The following MBOAT2 variants were observed in gnomAD, a reference collection of about 807,000 sequenced individuals.
MBOAT2 encodes the protein membrane bound glycerophospholipid O-acyltransferase 2.
Under a neutral mutation model 63.4 loss-of-function variants are expected in MBOAT2, and 28 were observed. That is an observed-to-expected ratio of 0.44 (90% CI 0.33 to 0.61). MBOAT2 has a LOEUF of 0.61. Among genes scored for constraint, MBOAT2 ranks in the 20% least tolerant of loss-of-function variants. The pLI is 0.03. For missense variants in MBOAT2, 470 were observed against 605.8 expected (o/e 0.78, Z 2.35); for synonymous variants, 211 against 215.6 (o/e 0.98, Z 0.19).
At chr2:8,989,951 C>G (rs963194934) in intron 1 of MBOAT2, among the ~76,000 whole-genome samples, 1 of 152,232 alleles carries the variant, frequency 6.6e-6, no homozygotes, top group Admixed American at 6.5e-5. Flanking sequence ...CTTGTGCACA[C>G]AGATAAACTC....
chr2:8,856,842 A>G lies in MBOAT2; in HGVS notation c.*1837T>C, dbSNP rs1239916935. 1 of 152,238 alleles carries G rather than the reference A, an allele frequency of 6.6e-6. No individual in the cohort carries two copies. The highest frequency in any genetic ancestry group is 1.5e-5 in the Non-Finnish European group (1 of 68,042). The allele number at this position is 152,238 out of a possible 1,614,324, so 9.4% of individuals were successfully genotyped here. A position where few individuals can be genotyped will look rare whatever the true frequency, so the allele number is the denominator to read the frequency against. ...AGTGCTAGGATTACAGGTGTGAGCC[A>G]CCATGCTCAGCCAACATAATTTCAA... On this transcript the variant is annotated 3_prime_UTR_variant, in exon 13 of 13. Coordinates refer to ENST00000305997, the MANE Select transcript of MBOAT2 (RefSeq NM_138799.4). The surrounding 1 kb of genome is among the most constrained non-coding windows in gnomAD (Gnocchi z 4.2).
intron 1 of MBOAT2, among the ~76,000 whole-genome samples, chr2:8,962,646 T>A (rs1391486538): frequency 2.6e-5 from 4 of 152,128 alleles, no homozygotes; most frequent in Non-Finnish European, 5.9e-5. Context: ...AGTTTATTAC[T>A]GCAGCATAAC....
chr2:8,854,299 C>T lies in MBOAT2; in HGVS notation c.*4380G>A, dbSNP rs952901875. On this transcript the variant is annotated 3_prime_UTR_variant, in exon 13 of 13. Transcript: ENST00000305997. ...CCACTTTTACAAGGGCTGGAGAAAA[C>T]AGAAATTTCAGCATCTAAGATGAGT... is the stretch of plus-strand genomic sequence containing the variant. The T allele has an allele frequency of 6.6e-6, 1 of 152,186 alleles. No individual in the cohort carries two copies. The highest frequency in any genetic ancestry group is 2.4e-5 in the African/African-American group (1 of 41,462). The allele number at this position is 152,186 out of a possible 1,614,324, so 9.4% of individuals were successfully genotyped here. A position where few individuals can be genotyped will look rare whatever the true frequency, so the allele number is the denominator to read the frequency against.
At chr2:8,995,837 C>T (rs754698660) in intron 1 of MBOAT2, among the ~76,000 whole-genome samples, 92 of 152,102 alleles carry the variant, frequency 6.0e-4, no homozygotes, top group Non-Finnish European at 3.8e-4. Flanking sequence ...GTGATCCGCC[C>T]GCCTCGGCCT....
rs2103196432 is a variant in MBOAT2, at chr2:8,929,119, C to G, written c.299+14068G>C. On this transcript the variant is annotated intron_variant, in intron 3 of 12. Transcript: ENST00000305997. Reference sequence around the variant, plus strand: ...AATAGATCTCTAAATTGGCTGGTACCTTTTTTGTATGCCAGGTGGGGATAA... The same window carrying G: ...AATAGATCTCTAAATTGGCTGGTACGTTTTTTGTATGCCAGGTGGGGATAA... Among the ~76,000 whole-genome samples the G allele has an allele frequency of 2.6e-5, 4 of 152,224 alleles. 1 individual carries two copies. The Middle Eastern group carries it at 0.014, about 518-fold the overall frequency.
chr2:8,858,403 CAG>C lies in MBOAT2; in HGVS notation c.*274_*275del. 3.2e-6 allele frequency: 1 copy of C among 312,522 alleles called. No homozygotes were observed. 19.4% of individuals were successfully genotyped at this position (312,522 alleles called of 1,614,324 possible). The stretch of plus-strand genomic sequence containing the variant: ...GGGATACGCAACATACATTCAGCAA[CAG>C]GGCACGCGTGTGACCCTACGGACAA... On this transcript the variant is annotated 3_prime_UTR_variant, in exon 13 of 13. Transcript: ENST00000305997.
At chr2:8,881,227 G>A (rs975748853) in intron 6 of MBOAT2, among the ~76,000 whole-genome samples, 7 of 152,186 alleles carry the variant, frequency 4.6e-5, no homozygotes, top group African/African-American at 1.7e-4. Flanking sequence ...ATAGATTCAG[G>A]CAGCATGGGA....
chr2:8,958,260 A>T (rs1669365641), intron 2 of MBOAT2, among the ~76,000 whole-genome samples: 1 of 152,338 alleles, frequency 6.6e-6, no homozygotes, highest in Non-Finnish European at 1.5e-5. Context: ...TATCCTCTTC[A>T]TCTGTCTTTC....
chr2:8,915,767 T>A (rs1666126050), intron 3 of MBOAT2, among the ~76,000 whole-genome samples: 1 of 152,220 alleles, frequency 6.6e-6, no homozygotes, highest in African/African-American at 2.4e-5. Context: ...TAGAAGAATA[T>A]ACATGCAAAT....
At chr2:8,923,694 G>A (rs576558912) in intron 3 of MBOAT2, among the ~76,000 whole-genome samples, 4 of 152,294 alleles carry the variant, frequency 2.6e-5, no homozygotes, top group South Asian at 2.1e-4. Flanking sequence ...GCCAAGGGAT[G>A]GGGAACAGGG....
intron 3 of MBOAT2, 23 bp downstream of exon 3, chr2:8,943,164 A>T (rs1240878610): frequency 7.1e-7 from 1 of 1,402,924 alleles, no homozygotes; most frequent in East Asian, 2.4e-5. Flanking sequence ...ATATATTTTC[A>T]TGTGAACAAA....
rs543089282 is a variant in MBOAT2, at chr2:9,003,346, G to A, written c.75+194C>T. Among the ~76,000 whole-genome samples the A allele has an allele frequency of 2.0e-5, 3 of 152,088 alleles. No individual in the cohort carries two copies. Among genetic ancestry groups the A allele is most frequent in the African/African-American group, 7.2e-5 (3 of 41,524 alleles). ...TCGGCCCGGGGATGGCGGGCTGGGGGCGCACCCAGGAGGGAGGGGGCTCTG... is the reference window on the plus strand; with the variant it reads ...TCGGCCCGGGGATGGCGGGCTGGGGACGCACCCAGGAGGGAGGGGGCTCTG... On this transcript the variant is annotated intron_variant, in intron 1 of 12. Coordinates refer to ENST00000305997, the MANE Select transcript of MBOAT2 (RefSeq NM_138799.4). The surrounding 1 kb of genome is among the most constrained non-coding windows in gnomAD (Gnocchi z 5.4).
chr2:8,862,306 C>T lies in MBOAT2; in HGVS notation c.1185+284G>A. 2 of 1,354,382 alleles carry T rather than the reference C, an allele frequency of 1.5e-6. No individual in the cohort carries two copies. The highest frequency in any genetic ancestry group is 1.9e-6 in the Non-Finnish European group (2 of 1,032,180). The allele number at this position is 1,354,382 out of a possible 1,614,324, so 83.9% of individuals were successfully genotyped here. A position where few individuals can be genotyped will look rare whatever the true frequency, so the allele number is the denominator to read the frequency against. On this transcript the variant is annotated intron_variant, in intron 11 of 12. Transcript: ENST00000305997. This position sits in a 1 kb window ranked among gnomAD's most constrained non-coding sequence, Gnocchi z 4.3. ...CATCTTTATTTAACTCAGTTTTTAT[C>T]TCTCCTTCAGAAAATTCTGTAAAGA...
intron 3 of MBOAT2, among the ~76,000 whole-genome samples, chr2:8,937,941 T>C (rs1303136015): frequency 1.3e-5 from 2 of 152,022 alleles, no homozygotes; most frequent in African/African-American, 4.8e-5. Context: ...CAAGATCACG[T>C]CAAACAGTGC....
intron 2 of MBOAT2, among the ~76,000 whole-genome samples, chr2:8,953,302 T>C (rs1668972377): frequency 6.6e-6 from 1 of 152,218 alleles, no homozygotes; most frequent in Non-Finnish European, 1.5e-5. Flanking sequence ...TGTCCTGGCT[T>C]GTAAGGTTAG....
At chr2:8,870,805 C>CAT (rs1196008441) in intron 8 of MBOAT2, among the ~76,000 whole-genome samples, 5 of 152,098 alleles carry the variant, frequency 3.3e-5, no homozygotes, top group African/African-American at 1.2e-4. Context: ...AATTGTCATT[C>CAT]ATATATATTC....
intron 3 of MBOAT2, among the ~76,000 whole-genome samples, chr2:8,924,433 G>C (rs1353618103): frequency 6.6e-6 from 1 of 152,134 alleles, no homozygotes; most frequent in Non-Finnish European, 1.5e-5. Flanking sequence ...GGCTTGCTTG[G>C]TGATCTGCCC....
chr2:9,001,358 T>G (rs934126660), intron 1 of MBOAT2, among the ~76,000 whole-genome samples: 1 of 152,144 alleles, frequency 6.6e-6, no homozygotes, highest in Non-Finnish European at 1.5e-5. Flanking sequence ...CACAGTAGGT[T>G]TGGACTGGCA....
intron 11 of MBOAT2, among the ~76,000 whole-genome samples, chr2:8,861,869 A>G (rs1661524460): frequency 6.6e-6 from 1 of 152,194 alleles, no homozygotes; most frequent in Non-Finnish European, 1.5e-5. Flanking sequence ...ACTGGAAGCT[A>G]CCCTTAGTTA....
Sources: allele counts gnomAD v4.1 joint callset (sites outside exome capture counted in the v4.1 genomes callset), GRCh38; gene constraint gnomAD v4.1.1; non-coding constraint Gnocchi (gnomAD v3.1); transcripts MANE v1.5; gene names NCBI Gene and HGNC (gene_info 2026-07-23, HGNC 2026-07-21).